Variants in HMGXB4 observed in about 807,000 individuals in gnomAD.
HMGXB4 encodes the protein HMG-box containing 4.
A neutral mutation model predicts 63.9 loss-of-function variants in HMGXB4; 27 were observed. That is an observed-to-expected ratio of 0.42 (90% CI 0.31 to 0.58). The LOEUF is 0.58. Ranked by LOEUF, HMGXB4 falls within the 20% of genes least tolerant of loss-of-function variation. The pLI, the probability that HMGXB4 is intolerant of heterozygous loss-of-function variation, is 0.13. For missense variants in HMGXB4, 624 were observed against 700.7 expected (o/e 0.89, Z 1.24); for synonymous variants, 264 against 265.3 (o/e 0.99, Z 0.05).
intron 5 of HMGXB4, among the ~76,000 whole-genome samples, chr22:35,283,006 C>T (rs1288179467): frequency 1.3e-5 from 2 of 152,172 alleles, no homozygotes; most frequent in Non-Finnish European, 2.9e-5. Flanking sequence ...TTCCTTTTGG[C>T]ATTGTCAGAA....
At chr22:35,245,821 C>T in the HMGXB4 span, among the ~76,000 whole-genome samples, 1 of 152,098 alleles carries the variant, frequency 6.6e-6, no homozygotes, top group African/African-American at 2.4e-5. Context: ...GAGCTTCGGC[C>T]CTCTGCTAGG....
At chr22:35,275,280 C>T (rs1923845483) in intron 5 of HMGXB4, among the ~76,000 whole-genome samples, 1 of 151,918 alleles carries the variant, frequency 6.6e-6, no homozygotes, top group African/African-American at 2.4e-5. Flanking sequence ...CCACCACACC[C>T]AGCTAATTTT....
chr22:35,261,485 G>A lies in HMGXB4; in HGVS notation c.-68-838G>A, dbSNP rs1464694446. 2.0e-5 allele frequency among the ~76,000 whole-genome samples: 3 copies of A among 150,866 alleles called. No individual in the cohort carries two copies. In the East Asian group the frequency reaches 5.8e-4, roughly 29 times the overall value. ...ACCTTACAGTGCATTTTATAGCATT[G>A]TCATCTTCAAAGTCAAAATGGACAT... On this transcript the variant is annotated intron_variant, in intron 1 of 10. Transcript: ENST00000216106.
chr22:35,262,402 T>A lies in HMGXB4; in HGVS notation c.12T>A (p.Asp4Glu). Residue 4 changes from aspartate to glutamate, a missense_variant, in exon 2 of 11, where the codon GAT becomes GAA. Asp to Glu is a conservative substitution (Grantham distance 45). This residue lies in a region of HMGXB4 where 472 missense variants were observed against 470.6 expected (regional missense o/e 1.00). Coordinates refer to ENST00000216106, the MANE Select transcript of HMGXB4 (RefSeq NM_001003681.3). ...CCTGCAGGACCACCATGGCTTATGA[T>A]GACTCCGTGAAGAAAGAAGGTATGA... MAYDDSVKKEDCFD... is the reference protein window; with the variant it reads MAYEDSVKKEDCFD... The A allele has an allele frequency of 6.2e-7, 1 of 1,614,124 alleles. No individual in the cohort carries two copies. The highest frequency in any genetic ancestry group is 8.5e-7 in the Non-Finnish European group (1 of 1,179,952).
At chr22:35,248,806 C>A in the HMGXB4 span, among the ~76,000 whole-genome samples, 3 of 152,110 alleles carry the variant, frequency 2.0e-5, no homozygotes, top group East Asian at 1.9e-4. Flanking sequence ...AGGATCCCCC[C>A]CCATGATCCA....
At chr22:35,261,435 C>CAAAA (rs35534975) in intron 1 of HMGXB4, among the ~76,000 whole-genome samples, 20 of 125,278 alleles carry the variant, frequency 1.6e-4, no homozygotes, top group African/African-American at 6.6e-4. Context: ...GACTCTATCT[C>CAAAA]AAAAAAAAAA....
chr22:35,262,029 G>A (rs1108268), intron 1 of HMGXB4: 130,597 of 241,642 alleles, frequency 0.54, 39,790 homozygotes, highest in Non-Finnish European at 0.65. Context: ...TGTCAGTCCT[G>A]TTGGCATTTT....
chr22:35,263,396 G>C (rs543212128), intron 3 of HMGXB4, among the ~76,000 whole-genome samples, 170 bp downstream of exon 3: 18 of 148,392 alleles, frequency 1.2e-4, no homozygotes, highest in African/African-American at 4.0e-4. Flanking sequence ...CGTTTCTCTT[G>C]CCTCAGCCTC....
chr22:35,260,522 C>T (rs1337020735), intron 1 of HMGXB4, among the ~76,000 whole-genome samples: 1 of 152,236 alleles, frequency 6.6e-6, no homozygotes, highest in Non-Finnish European at 1.5e-5. Flanking sequence ...GGAAAACTGG[C>T]TACATTATGT....
At chr22:35,285,967 T>C (rs755214132) in intron 6 of HMGXB4, 30 bp from the exon 7 acceptor site, 2 of 1,535,216 alleles carry the variant, frequency 1.3e-6, no homozygotes. Flanking sequence ...AACCCTTTAC[T>C]GTATTGAGTG....
the HMGXB4 span, among the ~76,000 whole-genome samples, chr22:35,247,693 C>T: frequency 6.6e-6 from 1 of 151,996 alleles, no homozygotes; most frequent in African/African-American, 2.4e-5. Flanking sequence ...CCTTGTGCTG[C>T]CCGATGCATA....
intron 9 of HMGXB4, among the ~76,000 whole-genome samples, chr22:35,290,817 T>A (rs567318554): frequency 2.0e-5 from 3 of 152,306 alleles, no homozygotes; most frequent in African/African-American, 7.2e-5. Context: ...TCTGTGCTTT[T>A]ACAGTGACAT....
the HMGXB4 span, among the ~76,000 whole-genome samples, chr22:35,246,527 C>T: frequency 6.6e-6 from 1 of 152,330 alleles, no homozygotes; most frequent in African/African-American, 2.4e-5. Flanking sequence ...CCTGCCTCGG[C>T]CTCCCAAAGT....
In HMGXB4 at chr22:35,292,976, C is replaced by A; in HGVS notation, c.1639-16C>A. 6.2e-7 allele frequency: 1 copy of A among 1,614,190 alleles called. No individual in the cohort carries two copies. The highest frequency in any genetic ancestry group is 8.5e-7 in the Non-Finnish European group (1 of 1,180,014). On this transcript the variant is annotated splice_polypyrimidine_tract_variant and intron_variant, in intron 9 of 10. Coordinates refer to ENST00000216106, the MANE Select transcript of HMGXB4 (RefSeq NM_001003681.3). ...TCAGGAGTGTGACTCAAGCAACAACCTCCTCTCCTTTTCAGGGTATGGTGG... is the reference window on the plus strand; with the variant it reads ...TCAGGAGTGTGACTCAAGCAACAACATCCTCTCCTTTTCAGGGTATGGTGG...
chr22:35,262,188 A>T, intron 1 of HMGXB4, 135 bp from the exon 2 acceptor site: 1 of 607,240 alleles, frequency 1.6e-6, no homozygotes, highest in Non-Finnish European at 2.9e-6. Flanking sequence ...AAAGAGAATG[A>T]GGAGGTGACA....
At chr22:35,285,964 T>A in intron 6 of HMGXB4, 33 bp from the exon 7 acceptor site, 1 of 1,515,698 alleles carries the variant, frequency 6.6e-7, no homozygotes, top group Non-Finnish European at 9.0e-7. Flanking sequence ...GCTAACCCTT[T>A]ACTGTATTGA....
the HMGXB4 span, among the ~76,000 whole-genome samples, chr22:35,245,213 G>C: frequency 6.6e-6 from 1 of 151,922 alleles, no homozygotes; most frequent in Non-Finnish European, 1.5e-5. Flanking sequence ...AAGTTCACTT[G>C]TCCCTCCGCC....
chr22:35,289,383 C>A (rs1341956567), intron 9 of HMGXB4, among the ~76,000 whole-genome samples: 1 of 152,110 alleles, frequency 6.6e-6, no homozygotes, highest in Non-Finnish European at 1.5e-5. Context: ...TGCTTGAGCC[C>A]AGGAGCTCAA....
intron 5 of HMGXB4, among the ~76,000 whole-genome samples, chr22:35,275,636 TG>T (rs1261442244): frequency 6.6e-6 from 1 of 152,148 alleles, no homozygotes; most frequent in Non-Finnish European, 1.5e-5. Context: ...CCCAGAGTTT[TG>T]GGAGGCCAAG....
Sources: allele counts gnomAD v4.1 joint callset (sites outside exome capture counted in the v4.1 genomes callset), GRCh38; gene constraint gnomAD v4.1.1; regional missense constraint gnomAD v4.1.1; transcripts MANE v1.5; gene names NCBI Gene and HGNC (gene_info 2026-07-23, HGNC 2026-07-21).